The following C7orf57 variants were observed in gnomAD, a reference collection of about 807,000 sequenced individuals.
C7orf57 encodes the protein chromosome 7 open reading frame 57, also known as uncharacterized protein C7orf57.
C7orf57 carries 33 observed loss-of-function variants against 39.0 expected under a neutral mutation model. The ratio of observed to expected loss-of-function variants is 0.85; its 90% CI spans 0.64 to 1.13. The LOEUF (loss-of-function observed/expected upper bound fraction) is 1.13. C7orf57 is among the 50% of genes most tolerant of loss of function. The pLI is 0.00. For missense variants in C7orf57, 346 were observed against 362.3 expected (o/e 0.95, Z 0.37); for synonymous variants, 124 against 137.1 (o/e 0.90, Z 0.67).
rs1562629842 is a variant in C7orf57, at chr7:48,051,795, T to TTTCTTTCTTTCC, written c.606-902_606-901insTTTCTTTCCTTC. Among the ~76,000 whole-genome samples the TTTCTTTCTTTCC allele has an allele frequency of 1.5e-4, 12 of 77,602 alleles. 3 individuals are homozygous for TTTCTTTCTTTCC. The highest frequency in any genetic ancestry group is 9.7e-4 in the South Asian group (2 of 2,072). 50.9% of individuals were successfully genotyped at this position (77,602 alleles called of 152,430 possible). A position where few individuals can be genotyped will look rare whatever the true frequency, so the allele number is the denominator to read the frequency against. ...CTTTCTTTCTTTCTTTCTTTCTTTC[T>TTTCTTTCTTTCC]TTCCTTCCTTCCTTTTCTCTTCTCT... On this transcript the variant is annotated intron_variant, in intron 6 of 8. Coordinates refer to ENST00000348904, the MANE Select transcript of C7orf57 (RefSeq NM_001100159.3).
chr7:48,056,557 T>C (rs1400723943), intron 8 of C7orf57, among the ~76,000 whole-genome samples: 4 of 152,150 alleles, frequency 2.6e-5, no homozygotes, highest in Admixed American at 2.0e-4. Flanking sequence ...ATTTTTTCTA[T>C]AGGTTTAGCA....
At chr7:48,060,201 C>T in intron 8 of C7orf57, 25 bp from the exon 9 acceptor site, 1 of 1,467,258 alleles carries the variant, frequency 6.8e-7, no homozygotes, top group Non-Finnish European at 9.2e-7. Flanking sequence ...TCTTTGTCTA[C>T]TCATTTATTT....
At chr7:48,060,119 T>G (rs2128800811) in intron 8 of C7orf57, 107 bp from the exon 9 acceptor site, 1 of 660,912 alleles carries the variant, frequency 1.5e-6, no homozygotes, top group East Asian at 2.9e-5. Flanking sequence ...GAAATAATCC[T>G]TATTAATAGG....
At chr7:48,057,066 T>G (rs1480383246) in intron 8 of C7orf57, among the ~76,000 whole-genome samples, 1 of 56,634 alleles carries the variant, frequency 1.8e-5, no homozygotes, top group Non-Finnish European at 5.1e-5. Context: ...CATATATCTG[T>G]TTTTTTTTTT....
At chr7:48,037,543 G>A (rs1424663107) in intron 2 of C7orf57, among the ~76,000 whole-genome samples, 1 of 152,036 alleles carries the variant, frequency 6.6e-6, no homozygotes, top group Non-Finnish European at 1.5e-5. Context: ...GAAGAGCTGG[G>A]GGATCTTCAG....
chr7:48,043,891 C>T (rs964841593), intron 4 of C7orf57, among the ~76,000 whole-genome samples: 5 of 151,810 alleles, frequency 3.3e-5, no homozygotes, highest in South Asian at 2.1e-4. Flanking sequence ...AAGATGGTGG[C>T]GGGCTGCTTC....
intron 6 of C7orf57, among the ~76,000 whole-genome samples, chr7:48,051,859 C>CTTTT (rs1227351470): frequency 1.6e-5 from 1 of 62,406 alleles, no homozygotes; most frequent in East Asian, 3.3e-4. Flanking sequence ...TTCTTTCTTT[C>CTTTT]TTTCTTTCTT....
chr7:48,049,939 T>C lies in C7orf57; in HGVS notation c.567T>C (p.Pro189=). 6.2e-7 allele frequency: 1 copy of C among 1,613,524 alleles called. No individual in the cohort carries two copies. ...GCAAAGCAGGCACCCCACTTGGCCC[T>C]AAGAATCCTGCAGGAAGTAGACTCT... ...YLSKAGTPLG[P]KNPAGSRLSF... The change falls in exon 6 of 9, where the codon CCT becomes CCC. Residue 189 remains proline (P), a synonymous_variant. Coordinates refer to ENST00000348904, the MANE Select transcript of C7orf57 (RefSeq NM_001100159.3).
At position 48,046,514 on chromosome 7, in the gene C7orf57, T is replaced by G; in HGVS notation, c.405T>G (p.Asp135Glu). 6.2e-7 allele frequency: 1 copy of G among 1,613,812 alleles called. No homozygotes were observed. Among genetic ancestry groups the G allele is most frequent in the Non-Finnish European group, 8.5e-7 (1 of 1,179,844 alleles). Residue 135 changes from aspartate (D) to glutamate (E), a missense_variant, in exon 5 of 9, where the codon GAT becomes GAG. Coordinates refer to ENST00000348904, the MANE Select transcript of C7orf57 (RefSeq NM_001100159.3). ...DYMVHEEFNP[D>E]QANGSYASRR... ...TGGTTCATGAAGAATTTAACCCCGA[T>G]CAAGCCAATGGTAGCTATGCATCCA...
intron 2 of C7orf57, among the ~76,000 whole-genome samples, chr7:48,037,557 A>G (rs1562621041): frequency 6.6e-6 from 1 of 152,162 alleles, no homozygotes; most frequent in Non-Finnish European, 1.5e-5. Context: ...TCTTCAGTTC[A>G]TCTCATAGAC....
chr7:48,036,148 C>T lies in C7orf57; in HGVS notation c.-101-60C>T, dbSNP rs1380803836. The T allele has an allele frequency of 5.6e-6, 4 of 710,914 alleles. No homozygotes were observed. The African/African-American group carries it at 7.1e-5, about 13-fold the overall frequency. The allele number at this position is 710,914 out of a possible 1,614,324, so 44.0% of individuals were successfully genotyped here. A position where few individuals can be genotyped will look rare whatever the true frequency, so the allele number is the denominator to read the frequency against. ...TAGGCGATCGTAAGGCGCCTGCAGG[C>T]GTGTCAGGGCGAGGCGTACAGACCG... On this transcript the variant is annotated intron_variant, in intron 1 of 8. Coordinates refer to ENST00000348904, the MANE Select transcript of C7orf57 (RefSeq NM_001100159.3).
chr7:48,045,167 G>A (rs1167994489), intron 4 of C7orf57, among the ~76,000 whole-genome samples: 3 of 152,222 alleles, frequency 2.0e-5, no homozygotes, highest in Non-Finnish European at 2.9e-5. Flanking sequence ...CAGACCACCT[G>A]CTCCAGGTCC....
At chr7:48,037,293 C>A (rs1281674339) in intron 2 of C7orf57, among the ~76,000 whole-genome samples, 1 of 152,190 alleles carries the variant, frequency 6.6e-6, no homozygotes, top group African/African-American at 2.4e-5. Context: ...GGAACACTAA[C>A]AACTGCCAGG....
chr7:48,056,638 T>G (rs1261489547), intron 8 of C7orf57, among the ~76,000 whole-genome samples: 1 of 152,138 alleles, frequency 6.6e-6, no homozygotes, highest in Non-Finnish European at 1.5e-5. Flanking sequence ...TTTTTGGATT[T>G]GGGATGCTCA....
chr7:48,050,039 C>T (rs1374318613), intron 6 of C7orf57, 62 bp downstream of exon 6: 6 of 1,122,870 alleles, frequency 5.3e-6, no homozygotes, highest in Admixed American at 1.8e-5. Flanking sequence ...TTCCGTCTTT[C>T]ATCCGGTGAT....
At position 48,046,730 on chromosome 7, in the gene C7orf57, G is replaced by A. The variant is rs747300260; in HGVS notation, c.507+114G>A. ...GGCGTCTTATGTTGCTCGTGGCATCGGCCACGTGCTCTGTATTTTAAGTTT... is the reference window on the plus strand; with the variant it reads ...GGCGTCTTATGTTGCTCGTGGCATCAGCCACGTGCTCTGTATTTTAAGTTT... On this transcript the variant is annotated intron_variant, in intron 5 of 8. Transcript: ENST00000348904. 1.5e-3 allele frequency: 1,643 copies of A among 1,110,732 alleles called. 5 individuals carry two copies. Among genetic ancestry groups the A allele is most frequent in the Non-Finnish European group, 1.3e-3 (1,006 of 788,134 alleles). 68.8% of individuals were successfully genotyped at this position (1,110,732 alleles called of 1,614,324 possible). A position where few individuals can be genotyped will look rare whatever the true frequency, so the allele number is the denominator to read the frequency against.
chr7:48,043,459 C>T, intron 3 of C7orf57, 22 bp from the exon 4 acceptor site: 1 of 1,591,316 alleles, frequency 6.3e-7, no homozygotes, highest in Non-Finnish European at 8.6e-7. Context: ...TGTCTCACAG[C>T]CATGTCATTT....
At chr7:48,047,761 G>A (rs1215489418) in intron 5 of C7orf57, among the ~76,000 whole-genome samples, 1 of 151,910 alleles carries the variant, frequency 6.6e-6, no homozygotes, top group Non-Finnish European at 1.5e-5. Context: ...GGAGTGCAGC[G>A]GCATTATCAT....
At chr7:48,045,663 G>A (rs980927001) in intron 4 of C7orf57, among the ~76,000 whole-genome samples, 2 of 152,114 alleles carry the variant, frequency 1.3e-5, no homozygotes, top group African/African-American at 2.4e-5. Flanking sequence ...AGGACATGGG[G>A]GCATCCCTGC....
Sources: gnomAD v4.1 joint callset for allele counts (sites outside exome capture counted in the v4.1 genomes callset) on GRCh38, gnomAD v4.1.1 for gene constraint, MANE v1.5 for transcripts, NCBI Gene and HGNC (gene_info 2026-07-23, HGNC 2026-07-21) for gene names.